SCAND3: variants seen among roughly 807,000 people sequenced by gnomAD.
SCAND3 encodes the protein SCAN domain containing 3.
At chr6:28,575,797 T>C in the SCAND3 span, 1 of 1,614,058 alleles carries the variant, frequency 6.2e-7, no homozygotes, top group Non-Finnish European at 8.5e-7. This position sits in a 1 kb window ranked among gnomAD's most constrained non-coding sequence, Gnocchi z 4.2. Flanking sequence ...GTCCTCACTG[T>C]GTAAGTAATA....
the SCAND3 span, chr6:28,573,896 C>T: frequency 2.1e-6 from 3 of 1,398,564 alleles, no homozygotes; most frequent in South Asian, 1.7e-5. Flanking sequence ...TGTTATACCA[C>T]AAGTTAAAAA....
chr6:28,583,500 T>C, the SCAND3 span, among the ~76,000 whole-genome samples: 5 of 152,226 alleles, frequency 3.3e-5, no homozygotes, highest in Non-Finnish European at 7.3e-5. Flanking sequence ...CCCTTGGATA[T>C]AGTGATACTA....
At chr6:28,588,517 G>A in the SCAND3 span, among the ~76,000 whole-genome samples, 1 of 152,358 alleles carries the variant, frequency 6.6e-6, no homozygotes, top group East Asian at 1.9e-4. The surrounding 1 kb of genome is among the most constrained non-coding windows in gnomAD (Gnocchi z 4.1). Context: ...GGCAAGAAGT[G>A]AAGTTTCTTC....
chr6:28,613,535 C>T, the SCAND3 span, among the ~76,000 whole-genome samples: 2 of 152,070 alleles, frequency 1.3e-5, no homozygotes, highest in Non-Finnish European at 2.9e-5. Context: ...TGAACCATTC[C>T]CTCCTCACTT....
chr6:28,575,024 A>C, the SCAND3 span: 1 of 1,614,014 alleles, frequency 6.2e-7, no homozygotes, highest in Non-Finnish European at 8.5e-7. The surrounding 1 kb of genome is among the most constrained non-coding windows in gnomAD (Gnocchi z 4.2). Context: ...TGGGCTCTTA[A>C]AGTATTTTCT....
chr6:28,572,882 G>A, the SCAND3 span: 3 of 1,613,634 alleles, frequency 1.9e-6, no homozygotes, highest in South Asian at 1.1e-5. The surrounding 1 kb of genome is among the most constrained non-coding windows in gnomAD (Gnocchi z 4.1). Context: ...AGACTTTCTC[G>A]ATGAATGAAG....
At chr6:28,572,124 A>AT in the SCAND3 span, 1 of 1,613,946 alleles carries the variant, frequency 6.2e-7, no homozygotes, top group Non-Finnish European at 8.5e-7. The surrounding 1 kb of genome is among the most constrained non-coding windows in gnomAD (Gnocchi z 4.1). Flanking sequence ...CAGGATAGTC[A>AT]TTTTTAGCTT....
the SCAND3 span, among the ~76,000 whole-genome samples, chr6:28,605,335 T>C: frequency 1.3e-5 from 2 of 152,172 alleles, no homozygotes; most frequent in Non-Finnish European, 2.9e-5. Flanking sequence ...CCTTAATCCT[T>C]TGTGAGACCA....
chr6:28,575,400 T>C, the SCAND3 span: 3 of 1,613,912 alleles, frequency 1.9e-6, no homozygotes, highest in South Asian at 1.1e-5. This position sits in a 1 kb window ranked among gnomAD's most constrained non-coding sequence, Gnocchi z 4.2. Flanking sequence ...CATTGTCAGA[T>C]TGTAGGACAC....
chr6:28,590,749 T>G, the SCAND3 span: 1 of 152,232 alleles, frequency 6.6e-6, no homozygotes. Context: ...AATAATTCAT[T>G]AGCTCATATT....
chr6:28,578,339 G>T, the SCAND3 span, among the ~76,000 whole-genome samples: 1 of 152,010 alleles, frequency 6.6e-6, no homozygotes, highest in Non-Finnish European at 1.5e-5. Flanking sequence ...TAGCACTATC[G>T]CAGTTTTTTC....
At chr6:28,575,039 CTT>C in the SCAND3 span, 1 of 1,614,118 alleles carries the variant, frequency 6.2e-7, no homozygotes, top group Non-Finnish European at 8.5e-7. This position sits in a 1 kb window ranked among gnomAD's most constrained non-coding sequence, Gnocchi z 4.2. Context: ...TTTTCTAACT[CTT>C]TGTCAGCCTG....
chr6:28,598,876 CAAAAAAAA>C, the SCAND3 span, among the ~76,000 whole-genome samples: 8 of 74,314 alleles, frequency 1.1e-4, no homozygotes, highest in African/African-American at 1.4e-4. Flanking sequence ...GACTATGTCT[CAAAAAAAA>C]AAAAAAAAAA....
At chr6:28,575,906 A>G in the SCAND3 span, 1 of 1,614,012 alleles carries the variant, frequency 6.2e-7, no homozygotes, top group Admixed American at 1.7e-5. This position sits in a 1 kb window ranked among gnomAD's most constrained non-coding sequence, Gnocchi z 4.2. Context: ...TAGTCAACTG[A>G]TTCCTTTTTC....
At chr6:28,593,211 C>T in the SCAND3 span, among the ~76,000 whole-genome samples, 1 of 151,798 alleles carries the variant, frequency 6.6e-6, no homozygotes, top group African/African-American at 2.4e-5. Flanking sequence ...AACTAAATAG[C>T]AAGAAAACAA....
chr6:28,582,863 A>T, the SCAND3 span, among the ~76,000 whole-genome samples: 1 of 152,072 alleles, frequency 6.6e-6, no homozygotes, highest in African/African-American at 2.4e-5. The surrounding 1 kb of genome is among the most constrained non-coding windows in gnomAD (Gnocchi z 4.8). Context: ...CAGAGGTTGC[A>T]GTGAGCCAAG....
chr6:28,607,197 G>A, the SCAND3 span, among the ~76,000 whole-genome samples: 1 of 152,176 alleles, frequency 6.6e-6, no homozygotes, highest in Admixed American at 6.5e-5. Context: ...TAGCATGTAC[G>A]AGGTCCCGGG....
chr6:28,602,122 TTTTAA>T, the SCAND3 span, among the ~76,000 whole-genome samples: 1 of 152,184 alleles, frequency 6.6e-6, no homozygotes, highest in Non-Finnish European at 1.5e-5. Context: ...TTGGTTTATT[TTTTAA>T]TTTATTTTAT....
chr6:28,581,051 A>C, the SCAND3 span, among the ~76,000 whole-genome samples: 1 of 152,086 alleles, frequency 6.6e-6, no homozygotes, highest in Admixed American at 6.6e-5. Flanking sequence ...TAACGCTGGA[A>C]AGAAGCTGAG....
Sources: allele counts gnomAD v4.1 joint callset (sites outside exome capture counted in the v4.1 genomes callset), GRCh38; gene constraint gnomAD v4.1.1; non-coding constraint Gnocchi (gnomAD v3.1); transcripts MANE v1.5; gene names NCBI Gene and HGNC (gene_info 2026-07-23, HGNC 2026-07-21).